The following TACR1 variants were observed in gnomAD, a reference collection of about 807,000 sequenced individuals.
The protein encoded by TACR1 is substance-P receptor.
A neutral mutation model predicts 35.8 loss-of-function variants in TACR1; 25 were observed. The observed-to-expected ratio is 0.70, with a 90% confidence interval of 0.51 to 0.98. The LOEUF is 0.98. Among genes scored for constraint, TACR1 ranks in the 50% least tolerant of loss-of-function variants. The pLI is 0.00. For missense variants in TACR1, 478 were observed against 522.9 expected (o/e 0.91, Z 0.84); for synonymous variants, 195 against 206.7 (o/e 0.94, Z 0.48).
intron 4 of TACR1, 135 bp downstream of exon 4, chr2:75,051,116 T>C: frequency 9.0e-7 from 1 of 1,105,010 alleles, no homozygotes; most frequent in Non-Finnish European, 1.3e-6. Context: ...AGTTGTGTGA[T>C]GATAAGTTAG....
At chr2:75,111,787 A>C (rs967317639) in intron 2 of TACR1, among the ~76,000 whole-genome samples, 3 of 152,006 alleles carry the variant, frequency 2.0e-5, no homozygotes, top group Admixed American at 6.6e-5. Flanking sequence ...GGCATAAAGA[A>C]ATGTTAGAAG....
Position 75,176,108 on chromosome 2 carries a change from T to C in TACR1, c.389+22438A>G, listed in dbSNP as rs552422523. 2.0e-5 allele frequency among the ~76,000 whole-genome samples: 3 copies of C among 151,718 alleles called. No homozygotes were observed. In the South Asian group the frequency reaches 6.2e-4, roughly 32 times the overall value. On this transcript the variant is annotated intron_variant, in intron 1 of 4. Transcript: ENST00000305249. ...ACATTCTTTTTATTTTAAATAACAG[T>C]GTAAGCCTAGCAGATTCATCCTCTA...
At chr2:75,094,612 T>C (rs1467107286) in intron 2 of TACR1, among the ~76,000 whole-genome samples, 1 of 151,612 alleles carries the variant, frequency 6.6e-6, no homozygotes, top group Non-Finnish European at 1.5e-5. Context: ...GTAGTGATGG[T>C]GGTAGTGGTG....
intron 1 of TACR1, among the ~76,000 whole-genome samples, chr2:75,156,947 G>C (rs1674874621): frequency 6.6e-6 from 1 of 152,290 alleles, no homozygotes; most frequent in Non-Finnish European, 1.5e-5. Context: ...GAGAAAGAAT[G>C]CTCAGCACTA....
intron 1 of TACR1, among the ~76,000 whole-genome samples, chr2:75,147,380 C>T (rs1674534896): frequency 6.6e-6 from 1 of 152,224 alleles, no homozygotes; most frequent in Non-Finnish European, 1.5e-5. Flanking sequence ...ACATTCCTTT[C>T]ATCCTTTATC....
At chr2:75,106,118 T>G (rs1380180536) in intron 2 of TACR1, among the ~76,000 whole-genome samples, 2 of 152,096 alleles carry the variant, frequency 1.3e-5, no homozygotes, top group Non-Finnish European at 2.9e-5. Context: ...GAAAACTTTT[T>G]GTACTATCTT....
chr2:75,153,292 G>A (rs990662572), intron 1 of TACR1, among the ~76,000 whole-genome samples: 3 of 152,206 alleles, frequency 2.0e-5, no homozygotes, highest in South Asian at 2.1e-4. Flanking sequence ...CTAACAAGAT[G>A]CTATGGCAAG....
At chr2:75,145,489 C>T (rs185292530) in intron 1 of TACR1, among the ~76,000 whole-genome samples, 89 of 152,228 alleles carry the variant, frequency 5.8e-4, no homozygotes, top group Admixed American at 5.5e-3. Flanking sequence ...AGAAAATCAA[C>T]TGAAAAACAA....
At chr2:75,113,532 CTTTTTTTTT>C (rs11437762) in intron 2 of TACR1, among the ~76,000 whole-genome samples, 1 of 92,082 alleles carries the variant, frequency 1.1e-5, no homozygotes, top group African/African-American at 4.5e-5. Flanking sequence ...TTTCTTCTTC[CTTTTTTTTT>C]TTTTTTTTTT....
intron 2 of TACR1, among the ~76,000 whole-genome samples, chr2:75,064,768 A>G (rs948976842): frequency 2.0e-5 from 3 of 152,214 alleles, no homozygotes; most frequent in Non-Finnish European, 1.5e-5. Flanking sequence ...AATCTTTAGT[A>G]AAATATGCCT....
At chr2:75,187,846 A>T (rs1675744776) in intron 1 of TACR1, 1 of 152,170 alleles carries the variant, frequency 6.6e-6, no homozygotes, top group African/African-American at 2.4e-5. Flanking sequence ...ATTCTGCCTA[A>T]AGTCTTAGGA....
chr2:75,160,555 G>C (rs1674982361), intron 1 of TACR1, among the ~76,000 whole-genome samples: 1 of 151,640 alleles, frequency 6.6e-6, no homozygotes, highest in Non-Finnish European at 1.5e-5. Flanking sequence ...ATTGAGATGA[G>C]AAACAATTCT....
chr2:75,066,571 C>T (rs1352528332), intron 2 of TACR1, among the ~76,000 whole-genome samples: 39 of 152,184 alleles, frequency 2.6e-4, no homozygotes, highest in Admixed American at 2.4e-3. Context: ...GCCAAGTCTT[C>T]GATTCCATTT....
intron 2 of TACR1, among the ~76,000 whole-genome samples, chr2:75,070,557 C>T (rs1325597475): frequency 2.0e-5 from 3 of 152,328 alleles, no homozygotes; most frequent in East Asian, 1.9e-4. Context: ...CAGCAGACCT[C>T]GAACCAGACC....
chr2:75,160,877 A>G (rs1347690543), intron 1 of TACR1, among the ~76,000 whole-genome samples: 2 of 151,162 alleles, frequency 1.3e-5, no homozygotes, highest in Admixed American at 1.3e-4. Context: ...ATTCTGATAT[A>G]TTTTCTTATT....
intron 1 of TACR1, among the ~76,000 whole-genome samples, chr2:75,173,038 G>A (rs1675328024): frequency 1.3e-5 from 2 of 152,168 alleles, no homozygotes; most frequent in Admixed American, 6.5e-5. Flanking sequence ...CACATTCTGA[G>A]ACACTGGGGA....
chr2:75,065,361 CCCTAT>C (rs1456101200), intron 2 of TACR1, among the ~76,000 whole-genome samples: 1 of 152,166 alleles, frequency 6.6e-6, no homozygotes, highest in African/African-American at 2.4e-5. Context: ...AATACTGCAA[CCCTAT>C]TGAGGACAAG....
At chr2:75,154,193 G>T (rs1674744076) in intron 1 of TACR1, among the ~76,000 whole-genome samples, 1 of 151,910 alleles carries the variant, frequency 6.6e-6, no homozygotes, top group African/African-American at 2.4e-5. Flanking sequence ...CTCGGGATCT[G>T]AACACTCAGG....
At chr2:75,123,087 A>G (rs1039755188) in intron 1 of TACR1, among the ~76,000 whole-genome samples, 13 of 149,056 alleles carry the variant, frequency 8.7e-5, no homozygotes, top group African/African-American at 3.0e-4. Flanking sequence ...GGCTGGACCC[A>G]GATGGTCATG....
Sources: gnomAD v4.1 joint callset for allele counts (sites outside exome capture counted in the v4.1 genomes callset) on GRCh38, gnomAD v4.1.1 for gene constraint, MANE v1.5 for transcripts, NCBI Gene and HGNC (gene_info 2026-07-23, HGNC 2026-07-21) for gene names.